Variants in HS3ST5 observed in about 807,000 individuals in gnomAD.
HS3ST5 encodes heparan sulfate-glucosamine 3-sulfotransferase 5, also known as heparan sulfate glucosamine 3-O-sulfotransferase 5.
A neutral mutation model predicts 25.4 loss-of-function variants in HS3ST5; 10 were observed. The ratio of observed to expected loss-of-function variants is 0.39; its 90% CI spans 0.24 to 0.67. The LOEUF is 0.67. Ranked by LOEUF, HS3ST5 falls within the 30% of genes least tolerant of loss-of-function variation. The pLI is 0.44. For synonymous variants in HS3ST5, 170 were observed against 162.4 expected (o/e 1.05, Z -0.36); for missense variants, 324 against 420.7 (o/e 0.77, Z 2.01).
At chr6:114,266,978 C>T (rs1176593462) in intron 1 of HS3ST5, among the ~76,000 whole-genome samples, 3 of 152,154 alleles carry the variant, frequency 2.0e-5, no homozygotes, top group African/African-American at 7.2e-5. Flanking sequence ...ACTTGGCTCT[C>T]ACATTTTATT....
intron 2 of HS3ST5, among the ~76,000 whole-genome samples, chr6:114,211,388 G>A (rs895141240): frequency 2.6e-5 from 4 of 152,080 alleles, no homozygotes; most frequent in African/African-American, 9.7e-5. Flanking sequence ...CATTGTGTGA[G>A]TTATTCCTCA....
chr6:114,085,382 A>T (rs900603070), intron 3 of HS3ST5, among the ~76,000 whole-genome samples: 3 of 152,196 alleles, frequency 2.0e-5, no homozygotes, highest in African/African-American at 7.2e-5. Context: ...TGCAGGATGA[A>T]TCAGAACCCA....
At chr6:114,150,630 G>T (rs1273792978) in intron 3 of HS3ST5, among the ~76,000 whole-genome samples, 2 of 152,148 alleles carry the variant, frequency 1.3e-5, no homozygotes, top group East Asian at 3.8e-4. Context: ...CAAGCTGTCT[G>T]GGTGTGATGG....
At chr6:114,084,032 C>A in intron 3 of HS3ST5, 3 of 554,188 alleles carry the variant, frequency 5.4e-6, no homozygotes, top group Non-Finnish European at 9.5e-6. Flanking sequence ...TTATATTGTA[C>A]AAACACTTGG....
At chr6:114,265,513 A>C (rs1249761109) in intron 1 of HS3ST5, among the ~76,000 whole-genome samples, 1 of 152,126 alleles carries the variant, frequency 6.6e-6, no homozygotes, top group Non-Finnish European at 1.5e-5. Context: ...TTGAAGATAG[A>C]AGCTCACTAT....
intron 3 of HS3ST5, among the ~76,000 whole-genome samples, chr6:114,074,340 A>T (rs1773998955): frequency 6.6e-6 from 1 of 152,102 alleles, no homozygotes; most frequent in South Asian, 2.1e-4. Flanking sequence ...AATTTATGCA[A>T]TAGAAATTGA....
intron 1 of HS3ST5, among the ~76,000 whole-genome samples, chr6:114,308,023 T>C (rs1775368820): frequency 6.6e-6 from 1 of 151,992 alleles, no homozygotes; most frequent in African/African-American, 2.4e-5. Flanking sequence ...ATATATTAAT[T>C]TGGAAATAAA....
intron 2 of HS3ST5, among the ~76,000 whole-genome samples, chr6:114,192,882 AG>A (rs1182783640): frequency 3.3e-5 from 5 of 152,214 alleles, no homozygotes; most frequent in African/African-American, 9.6e-5. Context: ...TCTATGCAAC[AG>A]AAAGTGATTT....
chr6:114,332,193 T>C (rs1382339551), intron 1 of HS3ST5, among the ~76,000 whole-genome samples: 3 of 152,248 alleles, frequency 2.0e-5, no homozygotes, highest in East Asian at 1.9e-4. Flanking sequence ...GATGCTTACT[T>C]CTAGGCAGTT....
At chr6:114,074,878 T>G (rs1774027651) in intron 3 of HS3ST5, among the ~76,000 whole-genome samples, 1 of 152,168 alleles carries the variant, frequency 6.6e-6, no homozygotes, top group Non-Finnish European at 1.5e-5. Flanking sequence ...TGCTAACATT[T>G]TCTTAAATTG....
rs184059285 is a variant in HS3ST5 at position 114,104,187 on chromosome 6, C to A, written c.-32-41310G>T. ...TTGGAATTAAACCCAGATCCTCTGACCCCTAGTCTGAGTGGTATATTTGTA... is the reference window on the plus strand; with the variant it reads ...TTGGAATTAAACCCAGATCCTCTGAACCCTAGTCTGAGTGGTATATTTGTA... On this transcript the variant is annotated intron_variant, in intron 3 of 4. Transcript: ENST00000312719. 1.8e-3 allele frequency among the ~76,000 whole-genome samples: 278 copies of A among 152,224 alleles called. 1 individual carries two copies. The highest frequency in any genetic ancestry group is 5.9e-3 in the African/African-American group (245 of 41,520).
In HS3ST5 at chr6:114,159,023, A is replaced by G. The variant is rs148285497; in HGVS notation, c.-33+9328T>C. ...CTGCCTTTTGTTGAAATCTATGCCA[A>G]TGCTCTCCATTGTAAAGAAGGGCTG... is the stretch of plus-strand genomic sequence containing the variant. On this transcript the variant is annotated intron_variant, in intron 3 of 4. Transcript: ENST00000312719. Among the ~76,000 whole-genome samples, 275 of 152,348 alleles carry G rather than the reference A, an allele frequency of 1.8e-3. 1 individual carries two copies. The highest frequency in any genetic ancestry group is 6.3e-3 in the African/African-American group (264 of 41,584).
chr6:114,246,322 A>G, intron 1 of HS3ST5, among the ~76,000 whole-genome samples: 1 of 152,208 alleles, frequency 6.6e-6, no homozygotes, highest in Non-Finnish European at 1.5e-5. Flanking sequence ...GAGGCACATG[A>G]GTTTTGTAAT....
At chr6:114,319,650 C>A (rs572166071) in intron 1 of HS3ST5, among the ~76,000 whole-genome samples, 1 of 151,926 alleles carries the variant, frequency 6.6e-6, no homozygotes, top group Non-Finnish European at 1.5e-5. Context: ...TTTTGGAAAC[C>A]ATTTCATATT....
chr6:114,179,268 A>T (rs960032806), intron 2 of HS3ST5: 1 of 152,230 alleles, frequency 6.6e-6, no homozygotes, highest in African/African-American at 2.4e-5. Flanking sequence ...GGGTATGAAT[A>T]AACAAATGCA....
intron 3 of HS3ST5, among the ~76,000 whole-genome samples, chr6:114,111,101 T>C (rs1319306422): frequency 6.6e-6 from 1 of 152,188 alleles, no homozygotes; most frequent in African/African-American, 2.4e-5. Context: ...AAACTATCGT[T>C]TTTTACTGCT....
At chr6:114,171,538 G>C (rs1043190380) in intron 2 of HS3ST5, among the ~76,000 whole-genome samples, 3 of 152,282 alleles carry the variant, frequency 2.0e-5, no homozygotes, top group Middle Eastern at 3.4e-3. Context: ...GTCTATTGAT[G>C]ATGATTGCTA....
At chr6:114,296,405 T>C (rs1774824009) in intron 1 of HS3ST5, among the ~76,000 whole-genome samples, 1 of 152,338 alleles carries the variant, frequency 6.6e-6, no homozygotes, top group East Asian at 1.9e-4. Context: ...ATAGTACATA[T>C]GTATACTTAC....
intron 1 of HS3ST5, among the ~76,000 whole-genome samples, chr6:114,267,795 C>G (rs1473171312): frequency 6.6e-6 from 1 of 152,138 alleles, no homozygotes; most frequent in Non-Finnish European, 1.5e-5. Flanking sequence ...ACAGTATCTA[C>G]ATCAGTATAC....
Sources: gnomAD v4.1 joint callset for allele counts (sites outside exome capture counted in the v4.1 genomes callset) on GRCh38, gnomAD v4.1.1 for gene constraint, MANE v1.5 for transcripts, NCBI Gene and HGNC (gene_info 2026-07-23, HGNC 2026-07-21) for gene names.